The following SRRM4 variants were observed in gnomAD, a reference collection of about 807,000 sequenced individuals.
SRRM4 encodes serine/arginine repetitive matrix 4.
A neutral mutation model predicts 68.9 loss-of-function variants in SRRM4; 33 were observed. The ratio of observed to expected loss-of-function variants is 0.48; its 90% confidence interval spans 0.36 to 0.64. The LOEUF (loss-of-function observed/expected upper bound fraction) is 0.64. SRRM4 is among the 30% of genes least tolerant of loss of function. The pLI is 0.00. For missense variants in SRRM4, 817 were observed against 827.1 expected, an observed-to-expected ratio of 0.99 and a Z score of 0.15; for synonymous variants, 318 against 318.8, an observed-to-expected ratio of 1.00 and a Z score of 0.03.
intron 8 of SRRM4, among the ~76,000 whole-genome samples, chr12:119,131,060 C>A (rs1248166995): frequency 6.6e-6 from 1 of 152,152 alleles, no homozygotes; most frequent in African/African-American, 2.4e-5. Context: ...AATACCCAGT[C>A]TTTTTATCAG....
intron 6 of SRRM4, among the ~76,000 whole-genome samples, chr12:119,123,065 C>G (rs1446929965): frequency 1.3e-5 from 2 of 152,192 alleles, no homozygotes; most frequent in Non-Finnish European, 2.9e-5. Flanking sequence ...TTCCAATCAA[C>G]TAATATTTTA....
At chr12:119,111,802 G>T (rs1384920752) in intron 2 of SRRM4, among the ~76,000 whole-genome samples, 3 of 152,186 alleles carry the variant, frequency 2.0e-5, no homozygotes, top group Non-Finnish European at 4.4e-5. Context: ...CCAGCACTAT[G>T]GGAGGCCAAA....
intron 1 of SRRM4, among the ~76,000 whole-genome samples, chr12:119,013,667 C>T (rs1333301060): frequency 6.6e-6 from 1 of 151,766 alleles, no homozygotes; most frequent in Non-Finnish European, 1.5e-5. Flanking sequence ...TTTAGAACTA[C>T]CCTGTTATTT....
chr12:118,993,701 A>C (rs905538013), intron 1 of SRRM4, among the ~76,000 whole-genome samples: 3 of 152,090 alleles, frequency 2.0e-5, no homozygotes, highest in Non-Finnish European at 2.9e-5. Flanking sequence ...CTGTAGCCCA[A>C]CCCTCCCTAA....
intron 1 of SRRM4, among the ~76,000 whole-genome samples, chr12:118,995,432 C>A (rs1953343054): frequency 6.6e-6 from 1 of 152,204 alleles, no homozygotes; most frequent in Admixed American, 6.5e-5. Flanking sequence ...AAGTTCTTGA[C>A]AAGCTGTTTA....
chr12:119,089,099 T>A (rs1038995338), intron 1 of SRRM4, among the ~76,000 whole-genome samples: 11 of 152,046 alleles, frequency 7.2e-5, no homozygotes, highest in African/African-American at 9.7e-5. Flanking sequence ...CTGCCCCTCA[T>A]CAACAGAGAA....
intron 1 of SRRM4, among the ~76,000 whole-genome samples, chr12:119,077,429 G>A (rs192130404): frequency 6.6e-6 from 1 of 151,972 alleles, no homozygotes; most frequent in African/African-American, 2.4e-5. Flanking sequence ...CCTTGGGCAA[G>A]TTATTTTATC....
chr12:119,012,034 G>T (rs878904329), intron 1 of SRRM4, among the ~76,000 whole-genome samples: 4 of 152,162 alleles, frequency 2.6e-5, no homozygotes, highest in Non-Finnish European at 5.9e-5. Context: ...TCAGTAAATG[G>T]TTGCCATAAT....
intron 1 of SRRM4, among the ~76,000 whole-genome samples, chr12:119,076,483 G>C (rs977102436): frequency 6.6e-6 from 1 of 152,182 alleles, no homozygotes; most frequent in Non-Finnish European, 1.5e-5. Context: ...ACATGGCTTT[G>C]TCTCTTCAGG....
intron 1 of SRRM4, among the ~76,000 whole-genome samples, chr12:119,016,931 G>A (rs943497337): frequency 1.3e-5 from 2 of 152,160 alleles, no homozygotes; most frequent in African/African-American, 4.8e-5. Context: ...TTTCTCATCT[G>A]TAGAATGGGG....
intron 1 of SRRM4, among the ~76,000 whole-genome samples, chr12:119,052,140 C>A (rs958984486): frequency 3.9e-5 from 6 of 152,116 alleles, no homozygotes; most frequent in African/African-American, 1.4e-4. Context: ...TGCAATGCGC[C>A]CAATTCATCT....
intron 6 of SRRM4, among the ~76,000 whole-genome samples, 188 bp downstream of exon 6, chr12:119,122,308 A>G (rs80308662): frequency 7.8e-6 from 1 of 128,972 alleles, no homozygotes; most frequent in African/African-American, 2.9e-5. Context: ...GGAAGGAAGG[A>G]AGGAAGGAAG....
At chr12:119,089,042 A>C (rs918413878) in intron 1 of SRRM4, among the ~76,000 whole-genome samples, 1 of 152,228 alleles carries the variant, frequency 6.6e-6, no homozygotes, top group Admixed American at 6.5e-5. Context: ...TTTCAGCTCG[A>C]GTCTGCCTGA....
Position 119,008,227 on chromosome 12 carries a change from A to C in SRRM4, c.131+26214A>C, listed in dbSNP as rs1441321656. ...GACATGACAAAAGCCTCATCTCTACAAAAAATACAAAAATTAGCCAGGTGT... is the reference window on the plus strand; with the variant it reads ...GACATGACAAAAGCCTCATCTCTACCAAAAATACAAAAATTAGCCAGGTGT... On this transcript the variant is annotated intron_variant, in intron 1 of 12. Coordinates refer to ENST00000267260, the MANE Select transcript of SRRM4 (RefSeq NM_194286.4). 2.0e-5 allele frequency among the ~76,000 whole-genome samples: 3 copies of C among 151,964 alleles called. No individual in the cohort carries two copies. In the East Asian group the frequency reaches 5.8e-4, roughly 29 times the overall value.
intron 9 of SRRM4, among the ~76,000 whole-genome samples, chr12:119,149,978 CCT>C (rs1954428541): frequency 6.6e-6 from 1 of 152,122 alleles, no homozygotes; most frequent in Non-Finnish European, 1.5e-5. Flanking sequence ...AATCCTGAAG[CCT>C]CTGTCTTTTG....
intron 1 of SRRM4, among the ~76,000 whole-genome samples, chr12:119,076,424 G>A (rs889309383): frequency 2.0e-5 from 3 of 152,160 alleles, no homozygotes; most frequent in Admixed American, 6.5e-5. Context: ...GTGGTATCAG[G>A]AGAACCCTGC....
chr12:119,074,261 C>T (rs1953895590), intron 1 of SRRM4, among the ~76,000 whole-genome samples: 1 of 152,118 alleles, frequency 6.6e-6, no homozygotes, highest in South Asian at 2.1e-4. Flanking sequence ...CCATGCAGGC[C>T]CCTTTACCCA....
chr12:119,014,309 G>T (rs1953468227), intron 1 of SRRM4, among the ~76,000 whole-genome samples: 1 of 151,980 alleles, frequency 6.6e-6, no homozygotes, highest in Admixed American at 6.6e-5. Context: ...CAGAGATTTA[G>T]AACAGACAAA....
chr12:119,048,929 CAAT>C (rs1953724354), intron 1 of SRRM4, among the ~76,000 whole-genome samples: 2 of 152,088 alleles, frequency 1.3e-5, no homozygotes, highest in Non-Finnish European at 2.9e-5. Context: ...GTCTCAATAA[CAAT>C]AATAACAGCA....
Sources: gnomAD v4.1 joint callset for allele counts (sites outside exome capture counted in the v4.1 genomes callset) on GRCh38, gnomAD v4.1.1 for gene constraint, MANE v1.5 for transcripts, NCBI Gene and HGNC (gene_info 2026-07-23, HGNC 2026-07-21) for gene names.